THBS4: variants seen among roughly 807,000 people sequenced by gnomAD.
THBS4 encodes the protein thrombospondin 4.
Under a neutral mutation model 115.7 loss-of-function variants are expected in THBS4, and 90 were observed. That is an observed-to-expected ratio of 0.78 (90% CI 0.66 to 0.93). The LOEUF (loss-of-function observed/expected upper bound fraction) is 0.93. Among genes scored for constraint, THBS4 ranks in the 40% least tolerant of loss-of-function variants. The pLI, the probability that THBS4 is intolerant of heterozygous loss-of-function variation, is 0.00. For synonymous variants in THBS4, 460 were observed against 479.3 expected (o/e 0.96, Z 0.53); for missense variants, 1,087 against 1,232.7 (o/e 0.88, Z 1.77).
At chr5:80,065,022 T>A (rs2112114634) in intron 8 of THBS4, among the ~76,000 whole-genome samples, 1 of 151,520 alleles carries the variant, frequency 6.6e-6, no homozygotes, top group Non-Finnish European at 1.5e-5. Context: ...AAAGAAAGAC[T>A]AGAAAGCAGT....
intron 2 of THBS4, chr5:79,998,470 C>G (rs1207159108): frequency 6.3e-6 from 1 of 157,892 alleles, no homozygotes; most frequent in African/African-American, 2.4e-5. Context: ...TACCCAGTTT[C>G]AGGTATTCCT....
intron 2 of THBS4, among the ~76,000 whole-genome samples, chr5:80,004,128 C>T (rs917002139): frequency 1.3e-5 from 2 of 152,134 alleles, no homozygotes; most frequent in African/African-American, 2.4e-5. Flanking sequence ...CAGTAGCTTT[C>T]GCAGGGAACC....
intron 15 of THBS4, among the ~76,000 whole-genome samples, chr5:80,074,104 T>C (rs1743066621): frequency 6.6e-6 from 1 of 152,250 alleles, no homozygotes; most frequent in Non-Finnish European, 1.5e-5. Context: ...GTTTCTGTTA[T>C]ATACATAGCA....
chr5:80,052,178 A>G (rs1218855135), intron 2 of THBS4, among the ~76,000 whole-genome samples: 1 of 152,204 alleles, frequency 6.6e-6, no homozygotes, highest in East Asian at 1.9e-4. Flanking sequence ...GTTAGTGCAT[A>G]TGTTTGGACT....
intron 2 of THBS4, among the ~76,000 whole-genome samples, chr5:80,018,339 A>G (rs952357194): frequency 6.9e-6 from 1 of 144,372 alleles, no homozygotes. Context: ...TCATACATTG[A>G]TTTTAATTTA....
intron 2 of THBS4, among the ~76,000 whole-genome samples, chr5:80,051,523 T>TAAGCAAAAGAAAAC (rs1241557549): frequency 6.6e-6 from 1 of 152,200 alleles, no homozygotes; most frequent in Non-Finnish European, 1.5e-5. Context: ...CCCTGCGTTT[T>TAAGCAAAAGAAAAC]CTTTTGCTAT....
chr5:80,065,059 T>C lies in THBS4; in HGVS notation c.1126-350T>C, dbSNP rs138110100. On this transcript the variant is annotated intron_variant, in intron 8 of 21. Transcript: ENST00000350881. ...GGGGGAAGCTGAGAATGTTCCAGAA[T>C]TGAAAAAAGCTAAGAATCCTCATTT... Among the ~76,000 whole-genome samples the C allele has an allele frequency of 2.8e-3, 430 of 151,630 alleles. 4 individuals are homozygous for C. Among genetic ancestry groups the C allele is most frequent in the African/African-American group, 8.8e-3 (362 of 41,310 alleles).
At chr5:80,049,077 GCAGACAAAATATTATCATTTC>G (rs1293516169) in intron 2 of THBS4, among the ~76,000 whole-genome samples, 1 of 152,170 alleles carries the variant, frequency 6.6e-6, no homozygotes, top group Non-Finnish European at 1.5e-5. Context: ...CTTTGCCCAA[GCAGACAAAATATTATCATTTC>G]CAGTTCTTTA....
chr5:80,046,806 C>T (rs1561307718), intron 2 of THBS4, among the ~76,000 whole-genome samples: 1 of 152,188 alleles, frequency 6.6e-6, no homozygotes, highest in African/African-American at 2.4e-5. Context: ...TGACAGGGCT[C>T]TGTCTTGGGT....
chr5:79,997,838 A>G (rs1397465071), intron 1 of THBS4, among the ~76,000 whole-genome samples: 1 of 152,234 alleles, frequency 6.6e-6, no homozygotes, highest in African/African-American at 2.4e-5. Context: ...AGTCAATAAC[A>G]GAAAGATAAC....
At chr5:80,072,498 T>C in intron 14 of THBS4, 102 bp downstream of exon 14, 1 of 1,054,578 alleles carries the variant, frequency 9.5e-7, no homozygotes, top group South Asian at 1.4e-5. Context: ...TCTTAGCTGT[T>C]GCCACTTACC....
At chr5:80,058,617 A>G in intron 4 of THBS4, 91 bp from the exon 5 acceptor site, 1 of 1,123,590 alleles carries the variant, frequency 8.9e-7, no homozygotes, top group African/African-American at 1.5e-5. Flanking sequence ...TCATCTTGTC[A>G]GGATGATTTC....
chr5:80,034,233 A>G (rs916628635), upstream of THBS4, among the ~76,000 whole-genome samples: 3 of 152,208 alleles, frequency 2.0e-5, no homozygotes, highest in African/African-American at 7.2e-5. Context: ...TGGACCTTAC[A>G]TATTAGAGAG....
intron 9 of THBS4, among the ~76,000 whole-genome samples, chr5:80,066,094 C>CAAAA (rs34135437): frequency 6.2e-5 from 5 of 80,684 alleles, no homozygotes; most frequent in Non-Finnish European, 1.2e-4. Flanking sequence ...GACTCCCTCT[C>CAAAA]AAAAAAAAAA....
rs757231115 is a variant in THBS4 at position 80,070,386 on chromosome 5, A to G, written c.1428A>G (p.Pro476=). ...DIDSYPDEEL[P]CSARNCKKDN... ...ACAGTTACCCCGACGAAGAACTGCCATGCTCTGCCAGGAACTGTAAAAAGG... is the reference window on the plus strand; with the variant it reads ...ACAGTTACCCCGACGAAGAACTGCCGTGCTCTGCCAGGAACTGTAAAAAGG... The change falls in exon 11 of 22, where the codon CCA becomes CCG. Residue 476 remains proline, a synonymous_variant. Coordinates refer to ENST00000350881, the MANE Select transcript of THBS4 (RefSeq NM_003248.6). The G allele has an allele frequency of 7.4e-6, 12 of 1,613,984 alleles. No homozygotes were observed. Among genetic ancestry groups the G allele is most frequent in the Non-Finnish European group, 1.0e-5 (12 of 1,179,926 alleles).
At chr5:80,070,894 T>C in intron 12 of THBS4, 127 bp from the exon 13 acceptor site, 1 of 1,575,230 alleles carries the variant, frequency 6.3e-7, no homozygotes, top group South Asian at 1.2e-5. Context: ...TTTTACCCTA[T>C]AAGATTCACA....
intron 3 of THBS4, among the ~76,000 whole-genome samples, chr5:80,056,964 C>G (rs1833451979): frequency 6.6e-6 from 1 of 152,164 alleles, no homozygotes; most frequent in African/African-American, 2.4e-5. Flanking sequence ...AATATAAAAA[C>G]TATGAATCTG....
intron 13 of THBS4, among the ~76,000 whole-genome samples, chr5:80,071,398 T>G (rs1393046830): frequency 6.6e-6 from 1 of 152,222 alleles, no homozygotes; most frequent in African/African-American, 2.4e-5. Flanking sequence ...TCCAGGACTC[T>G]GTATCATTGC....
rs762728422 is a variant in THBS4 at position 80,078,895 on chromosome 5, C to T, written c.2266-26C>T. On this transcript the variant is annotated intron_variant, in intron 17 of 21. Transcript: ENST00000350881. Reference sequence around the variant, plus strand: ...GTTACTTGGCCCCTTCAAGACTGTTCTGAACTCCCTCAACTCTCTCTGCAG... The same window carrying T: ...GTTACTTGGCCCCTTCAAGACTGTTTTGAACTCCCTCAACTCTCTCTGCAG... 4 of 1,611,662 alleles carry T rather than the reference C, an allele frequency of 2.5e-6. No individual in the cohort carries two copies. In the African/African-American group the frequency reaches 5.3e-5, roughly 22 times the overall value.
Sources: gnomAD v4.1 joint callset for allele counts (sites outside exome capture counted in the v4.1 genomes callset) on GRCh38, gnomAD v4.1.1 for gene constraint, MANE v1.5 for transcripts, NCBI Gene and HGNC (gene_info 2026-07-23, HGNC 2026-07-21) for gene names.